Variants in CSMD1 observed in about 807,000 individuals in gnomAD.
The protein encoded by CSMD1 is CUB and sushi domain-containing protein 1.
CSMD1 carries 213 observed loss-of-function variants against 417.5 expected under a neutral mutation model. The ratio of observed to expected loss-of-function variants is 0.51; its 90% CI spans 0.46 to 0.57. The LOEUF is 0.57. Ranked by LOEUF, CSMD1 falls within the 20% of genes least tolerant of loss-of-function variation. The pLI, the probability that CSMD1 is intolerant of heterozygous loss-of-function variation, is 0.00. For missense variants in CSMD1, 6,923 were observed against 4,529.7 expected (o/e 1.53, Z -15.17); for synonymous variants, 2,862 against 1,736.8 (o/e 1.65, Z -16.11).
intron 3 of CSMD1, among the ~76,000 whole-genome samples, chr8:4,111,574 G>A (rs13268310): frequency 0.33 from 50,198 of 152,040 alleles, 8,652 homozygotes; most frequent in South Asian, 0.51. Context: ...ATACACCATG[G>A]AATACTATGC....
At chr8:3,040,732 G>C (rs971622983) in intron 50 of CSMD1, among the ~76,000 whole-genome samples, 1 of 152,268 alleles carries the variant, frequency 6.6e-6, no homozygotes, top group African/African-American at 2.4e-5. Flanking sequence ...GAACCCGAGA[G>C]ACAGAGGTTA....
chr8:4,622,505 G>A (rs971023094), intron 2 of CSMD1, among the ~76,000 whole-genome samples: 3 of 152,148 alleles, frequency 2.0e-5, no homozygotes, highest in Non-Finnish European at 2.9e-5. Context: ...TAGTAAGAAT[G>A]TCTCTTCCTC....
intron 41 of CSMD1, among the ~76,000 whole-genome samples, chr8:3,130,266 G>C (rs1187284550): frequency 6.6e-6 from 1 of 152,134 alleles, no homozygotes; most frequent in African/African-American, 2.4e-5. Flanking sequence ...CAAGGGAGGG[G>C]ACAGTTGAGC....
At chr8:3,882,143 C>T (rs577456218) in intron 5 of CSMD1, among the ~76,000 whole-genome samples, 2 of 152,122 alleles carry the variant, frequency 1.3e-5, no homozygotes, top group African/African-American at 2.4e-5. Flanking sequence ...TCACAATTGG[C>T]TCCTCCACCA....
chr8:4,056,734 G>T (rs7818317), intron 3 of CSMD1, among the ~76,000 whole-genome samples: 4,499 of 151,330 alleles, frequency 0.03, 218 homozygotes, highest in African/African-American at 0.1. Flanking sequence ...CCCTTCCTGT[G>T]TCCATGCGTT....
chr8:4,601,836 C>A (rs1263959004), intron 2 of CSMD1, among the ~76,000 whole-genome samples: 1 of 152,154 alleles, frequency 6.6e-6, no homozygotes, highest in African/African-American at 2.4e-5. Flanking sequence ...GGTTAGCGTG[C>A]ATCTTTCACC....
In CSMD1 at chr8:4,521,249, G is replaced by C. The variant is rs1056528886; in HGVS notation, c.303-101184C>G. 3.3e-5 allele frequency among the ~76,000 whole-genome samples: 5 copies of C among 152,150 alleles called. No individual in the cohort carries two copies. The East Asian group carries it at 9.6e-4, about 29-fold the overall frequency. ...AAAAAGAACCAGAATGATAGTCATA[G>C]TGTCATGGGGTCAAGACATAGCTGT... On this transcript the variant is annotated intron_variant, in intron 2 of 69. Coordinates refer to ENST00000635120, the MANE Select transcript of CSMD1 (RefSeq NM_033225.6).
chr8:4,481,863 T>A (rs187262406), intron 2 of CSMD1, among the ~76,000 whole-genome samples: 1 of 152,246 alleles, frequency 6.6e-6, no homozygotes, highest in East Asian at 1.9e-4. Context: ...ATTTTAGAAG[T>A]CAGGAAACTG....
chr8:4,246,088 T>A (rs1032176230), intron 3 of CSMD1, among the ~76,000 whole-genome samples: 1 of 152,156 alleles, frequency 6.6e-6, no homozygotes, highest in African/African-American at 2.4e-5. Context: ...AGTAAACTTA[T>A]GTCATGGGAG....
At chr8:4,854,753 G>A (rs1048704955) in intron 1 of CSMD1, among the ~76,000 whole-genome samples, 19 of 152,226 alleles carry the variant, frequency 1.2e-4, no homozygotes, top group Non-Finnish European at 1.6e-4. Flanking sequence ...CACCTGGCTC[G>A]GAGGGTCCTA....
At chr8:4,276,355 T>C (rs1396816375) in intron 3 of CSMD1, among the ~76,000 whole-genome samples, 2 of 152,200 alleles carry the variant, frequency 1.3e-5, no homozygotes, top group African/African-American at 2.4e-5. Context: ...ACCGTCATTG[T>C]CAGCAAACTA....
Position 4,490,997 on chromosome 8 carries a change from A to G in CSMD1, c.303-70932T>C, listed in dbSNP as rs191366572. 3.3e-5 allele frequency among the ~76,000 whole-genome samples: 5 copies of G among 152,312 alleles called. No individual in the cohort carries two copies. In the East Asian group the frequency reaches 7.7e-4, roughly 24 times the overall value. Reference sequence around the variant, plus strand: ...CACAGGGAGGAGTTCACAGGCTCACAGTGTATTGAGGCTAGGGACATGTAG... The same window carrying G: ...CACAGGGAGGAGTTCACAGGCTCACGGTGTATTGAGGCTAGGGACATGTAG... On this transcript the variant is annotated intron_variant, in intron 2 of 69. Transcript: ENST00000635120.
intron 7 of CSMD1, among the ~76,000 whole-genome samples, chr8:3,648,673 T>A (rs1437155104): frequency 6.6e-6 from 1 of 152,224 alleles, no homozygotes; most frequent in African/African-American, 2.4e-5. Flanking sequence ...AACATACGGC[T>A]ATACCAAATC....
intron 12 of CSMD1, among the ~76,000 whole-genome samples, chr8:3,423,722 T>C (rs924508196): frequency 1.2e-4 from 19 of 152,206 alleles, no homozygotes; most frequent in African/African-American, 4.3e-4. Context: ...TGTGTGGAAA[T>C]GTGTTTTTAT....
chr8:4,276,150 T>C (rs190222125), intron 3 of CSMD1, among the ~76,000 whole-genome samples: 7 of 152,334 alleles, frequency 4.6e-5, no homozygotes, highest in South Asian at 4.1e-4. Context: ...TAAATCATTA[T>C]GCTATAAAGA....
chr8:3,752,139 C>G (rs1170169093), intron 6 of CSMD1, among the ~76,000 whole-genome samples: 1 of 152,144 alleles, frequency 6.6e-6, no homozygotes, highest in Admixed American at 6.5e-5. Flanking sequence ...TCCATTCTAA[C>G]TACAGCCACA....
intron 2 of CSMD1, among the ~76,000 whole-genome samples, chr8:4,575,867 A>C (rs2130675490): frequency 6.6e-6 from 1 of 152,290 alleles, no homozygotes; most frequent in South Asian, 2.1e-4. Flanking sequence ...AAAGACTTGC[A>C]AACTTGCTGT....
rs1477045732 is a variant in CSMD1 at position 3,950,503 on chromosome 8, G to T, written c.818+47400C>A. ...CATAACACGCCCCTTTACTTCTGCAGACTCCGTCCACTTGCTGCCAGTTTT... is the reference window on the plus strand; with the variant it reads ...CATAACACGCCCCTTTACTTCTGCATACTCCGTCCACTTGCTGCCAGTTTT... On this transcript the variant is annotated intron_variant, in intron 5 of 69. Transcript: ENST00000635120. Among the ~76,000 whole-genome samples, 14 of 152,302 alleles carry T rather than the reference G, an allele frequency of 9.2e-5. No individual in the cohort carries two copies. The South Asian group carries it at 2.5e-3, about 27-fold the overall frequency.
intron 6 of CSMD1, among the ~76,000 whole-genome samples, chr8:3,711,343 C>G (rs1011389692): frequency 2.0e-5 from 3 of 152,276 alleles, no homozygotes; most frequent in South Asian, 2.1e-4. Flanking sequence ...CCACCCAGAT[C>G]CCCCTCCAAG....
Sources: allele counts gnomAD v4.1 joint callset (sites outside exome capture counted in the v4.1 genomes callset), GRCh38; gene constraint gnomAD v4.1.1; transcripts MANE v1.5; gene names NCBI Gene and HGNC (gene_info 2026-07-23, HGNC 2026-07-21).